The following DENND5B variants were observed in gnomAD, a reference collection of about 807,000 sequenced individuals.
DENND5B encodes the protein DENN domain-containing protein 5B.
DENND5B carries 34 observed loss-of-function variants against 140.6 expected under a neutral mutation model. That is an observed-to-expected ratio of 0.24 (90% CI 0.18 to 0.32). DENND5B has a LOEUF of 0.32. DENND5B is among the 10% of genes least tolerant of loss of function. DENND5B has a pLI of 1.00. For synonymous variants in DENND5B, 551 were observed against 562.1 expected (o/e 0.98, Z 0.28); for missense variants, 1,142 against 1,560.2 (o/e 0.73, Z 4.52).
intron 1 of DENND5B, among the ~76,000 whole-genome samples, chr12:31,578,358 C>A (rs767110306): frequency 3.3e-5 from 5 of 152,138 alleles, no homozygotes; most frequent in African/African-American, 4.8e-5. Flanking sequence ...AGATAATGCA[C>A]AAAATAGTTT....
chr12:31,389,731 G>T (rs1427204805), intron 19 of DENND5B, among the ~76,000 whole-genome samples: 2 of 152,124 alleles, frequency 1.3e-5, no homozygotes, highest in African/African-American at 4.8e-5. Context: ...AGACTGGAAA[G>T]TTTACTCCCT....
intron 2 of DENND5B, among the ~76,000 whole-genome samples, chr12:31,482,504 A>G (rs1217886874): frequency 6.6e-6 from 1 of 152,072 alleles, no homozygotes; most frequent in African/African-American, 2.4e-5. Flanking sequence ...CACTTACCCC[A>G]TTATCCAATC....
chr12:31,554,692 C>T (rs1949209707), intron 1 of DENND5B, among the ~76,000 whole-genome samples: 1 of 152,230 alleles, frequency 6.6e-6, no homozygotes, highest in Non-Finnish European at 1.5e-5. Flanking sequence ...CTTTCAGGTA[C>T]ACCAATCAGA....
chr12:31,543,947 T>C (rs1948769451), intron 1 of DENND5B, among the ~76,000 whole-genome samples: 1 of 152,188 alleles, frequency 6.6e-6, no homozygotes, highest in Non-Finnish European at 1.5e-5. Context: ...CCAGATCACT[T>C]GAGGTCAGGA....
intron 1 of DENND5B, among the ~76,000 whole-genome samples, chr12:31,498,630 AT>A (rs1317217521): frequency 6.6e-6 from 1 of 152,122 alleles, no homozygotes; most frequent in Non-Finnish European, 1.5e-5. Context: ...ATTTGGAAGG[AT>A]ATTAGGGGAA....
intron 7 of DENND5B, 54 bp downstream of exon 7, chr12:31,442,721 C>T (rs878861097): frequency 1.3e-6 from 2 of 1,573,266 alleles, no homozygotes; most frequent in Non-Finnish European, 8.6e-7. Flanking sequence ...TTGCAGAGCA[C>T]CCCACCCTTC....
chr12:31,437,787 A>G (rs1181828960), intron 7 of DENND5B, among the ~76,000 whole-genome samples: 2 of 152,254 alleles, frequency 1.3e-5, no homozygotes, highest in Non-Finnish European at 2.9e-5. Flanking sequence ...TAATATGAGA[A>G]TGCTAATGAT....
At chr12:31,409,546 T>C (rs1565551556) in intron 13 of DENND5B, among the ~76,000 whole-genome samples, 162 bp from the exon 14 acceptor site, 1 of 144,110 alleles carries the variant, frequency 6.9e-6, no homozygotes, top group East Asian at 2.2e-4. Context: ...TGGTGCAATC[T>C]CAGCTCACTG....
At chr12:31,579,452 G>C (rs1276214723) in intron 1 of DENND5B, among the ~76,000 whole-genome samples, 1 of 152,072 alleles carries the variant, frequency 6.6e-6, no homozygotes, top group Non-Finnish European at 1.5e-5. Flanking sequence ...CCTGAAGCCA[G>C]GAGTTTGAAG....
intron 1 of DENND5B, among the ~76,000 whole-genome samples, chr12:31,526,492 C>T (rs1361558476): frequency 6.6e-6 from 1 of 152,142 alleles, no homozygotes; most frequent in Non-Finnish European, 1.5e-5. Flanking sequence ...ACAACCTTTC[C>T]TTCCTTTAGA....
At chr12:31,390,436 C>T (rs1028627449) in intron 19 of DENND5B, among the ~76,000 whole-genome samples, 4 of 149,422 alleles carry the variant, frequency 2.7e-5, no homozygotes, top group Non-Finnish European at 4.5e-5. Context: ...TTCGGGAGTT[C>T]GAGACCAGCC....
intron 3 of DENND5B, among the ~76,000 whole-genome samples, chr12:31,467,671 G>A (rs185309365): frequency 5.9e-5 from 9 of 152,164 alleles, no homozygotes; most frequent in Non-Finnish European, 1.0e-4. Flanking sequence ...AAAACCAAGT[G>A]TATAGAATAA....
At chr12:31,405,382 A>AT (rs1161383774) in intron 14 of DENND5B, among the ~76,000 whole-genome samples, 1 of 150,724 alleles carries the variant, frequency 6.6e-6, no homozygotes, top group East Asian at 2.0e-4. Flanking sequence ...ACGCCCAGCT[A>AT]TTTTTTTGTA....
At position 31,386,342 on chromosome 12, in the gene DENND5B, A is replaced by C. The variant is rs534677411; in HGVS notation, c.*1261T>G. 1.9e-5 allele frequency: 3 copies of C among 154,746 alleles called. No individual in the cohort carries two copies. In the East Asian group the frequency reaches 5.8e-4, roughly 30 times the overall value. The allele number at this position is 154,746 out of a possible 1,614,324, so 9.6% of individuals were successfully genotyped here. A position where few individuals can be genotyped will look rare whatever the true frequency, so the allele number is the denominator to read the frequency against. ...TTACTTAACTTCTTTATAAACTATC[A>C]AACTGGAAAGTTACTCACAACTTTT... On this transcript the variant is annotated 3_prime_UTR_variant, in exon 21 of 21. Coordinates refer to ENST00000389082, the MANE Select transcript of DENND5B (RefSeq NM_144973.4).
intron 1 of DENND5B, among the ~76,000 whole-genome samples, chr12:31,568,735 C>T (rs1229771229): frequency 1.3e-5 from 2 of 152,202 alleles, no homozygotes; most frequent in African/African-American, 2.4e-5. Context: ...GTTCAAATTA[C>T]ACCCTGAACA....
chr12:31,419,361 A>C (rs1942912731), intron 11 of DENND5B, among the ~76,000 whole-genome samples: 1 of 152,104 alleles, frequency 6.6e-6, no homozygotes, highest in African/African-American at 2.4e-5. Flanking sequence ...AGGCAGGAGA[A>C]TCTCTTGAAC....
At chr12:31,577,807 T>C (rs894795738) in intron 1 of DENND5B, among the ~76,000 whole-genome samples, 4 of 151,286 alleles carry the variant, frequency 2.6e-5, no homozygotes, top group Non-Finnish European at 4.4e-5. Flanking sequence ...AGCACTTCAG[T>C]CTTCACAGCA....
chr12:31,419,617 T>C (rs1942926007), intron 11 of DENND5B, among the ~76,000 whole-genome samples: 2 of 152,132 alleles, frequency 1.3e-5, no homozygotes, highest in South Asian at 4.1e-4. Context: ...AGATAATTTC[T>C]GATGAAGATA....
chr12:31,502,410 T>A (rs946880178), intron 1 of DENND5B, among the ~76,000 whole-genome samples: 5 of 152,210 alleles, frequency 3.3e-5, no homozygotes, highest in Non-Finnish European at 5.9e-5. Context: ...AAGCTGAAAT[T>A]TGCTTTATAC....
Sources: gnomAD v4.1 joint callset for allele counts (sites outside exome capture counted in the v4.1 genomes callset) on GRCh38, gnomAD v4.1.1 for gene constraint, MANE v1.5 for transcripts, NCBI Gene and HGNC (gene_info 2026-07-23, HGNC 2026-07-21) for gene names.